EXOC2: variants seen among roughly 807,000 people sequenced by gnomAD.
EXOC2 encodes the protein exocyst complex component 2, also known as SEC5-like 1.
A neutral mutation model predicts 131.8 loss-of-function variants in EXOC2; 70 were observed. That is an observed-to-expected ratio of 0.53 (90% CI 0.44 to 0.65). The LOEUF is 0.65. Ranked by LOEUF, EXOC2 falls within the 30% of genes least tolerant of loss-of-function variation. The probability of loss-of-function intolerance (pLI) is 0.00; values close to 1 mark genes in which losing one functional copy is unlikely to be tolerated. For synonymous variants in EXOC2, 411 were observed against 398.4 expected (o/e 1.03, Z -0.38); for missense variants, 923 against 1,108.6 (o/e 0.83, Z 2.38).
Position 598,012 on chromosome 6 carries a change from A to G in EXOC2, c.1073+9T>C. The G allele has an allele frequency of 6.2e-7, 1 of 1,601,048 alleles. No individual in the cohort carries two copies. Among genetic ancestry groups the G allele is most frequent in the Non-Finnish European group, 8.6e-7 (1 of 1,169,038 alleles). On this transcript the variant is annotated intron_variant, in intron 10 of 27. Transcript: ENST00000230449. Reference sequence around the variant, plus strand: ...ATGTGATTCAACAAAATGTTTGCAGAAGATTTACCTTATGTAACGTTTTTG... The same window carrying G: ...ATGTGATTCAACAAAATGTTTGCAGGAGATTTACCTTATGTAACGTTTTTG...
rs117855832 is a variant in EXOC2, at chr6:567,577, T to G, written c.1444-2648A>C. The stretch of plus-strand genomic sequence containing the variant: ...AGATATGTATATGTGTAAATTTATG[T>G]GTATGTCTACATACTGAGTACATGC... On this transcript the variant is annotated intron_variant, in intron 13 of 27. Coordinates refer to ENST00000230449, the MANE Select transcript of EXOC2 (RefSeq NM_018303.6). Among the ~76,000 whole-genome samples, 97 of 152,374 alleles carry G rather than the reference T, an allele frequency of 6.4e-4. No homozygotes were observed. The East Asian group carries it at 0.016, about 25-fold the overall frequency.
rs139486820 is a variant in EXOC2, at chr6:626,026, T to C, written c.422+3809A>G. 4.8e-3 allele frequency among the ~76,000 whole-genome samples: 728 copies of C among 152,192 alleles called. 9 individuals carry two copies. Among genetic ancestry groups the C allele is most frequent in the African/African-American group, 0.016 (647 of 41,568 alleles). ...CAAAGGTTCTTACTTAACATGAACC[T>C]GTTTTTACCTTCCTTTTTGGTTTAA... On this transcript the variant is annotated intron_variant, in intron 4 of 27. Coordinates refer to ENST00000230449, the MANE Select transcript of EXOC2 (RefSeq NM_018303.6).
intron 23 of EXOC2, among the ~76,000 whole-genome samples, chr6:520,766 A>G (rs1055048876): frequency 1.9e-5 from 2 of 105,570 alleles, no homozygotes; most frequent in African/African-American, 8.1e-5. Context: ...TCGGACATGA[A>G]AACCACCACC....
Position 677,376 on chromosome 6 carries a change from T to C in EXOC2, c.-44+15643A>G, listed in dbSNP as rs947755351. ...CAGTTAGCATTTGAGGTGGTATATGTAGGAATAAACATGGCTCTTGCCTTT... is the reference window on the plus strand; with the variant it reads ...CAGTTAGCATTTGAGGTGGTATATGCAGGAATAAACATGGCTCTTGCCTTT... On this transcript the variant is annotated intron_variant, in intron 1 of 27. Transcript: ENST00000230449. 5.3e-5 allele frequency among the ~76,000 whole-genome samples: 8 copies of C among 152,258 alleles called. 1 individual carries two copies. The highest frequency in any genetic ancestry group is 5.2e-4 in the Admixed American group (8 of 15,290).
At chr6:544,486 C>G (rs1216609826) in intron 22 of EXOC2, among the ~76,000 whole-genome samples, 1 of 152,164 alleles carries the variant, frequency 6.6e-6, no homozygotes, top group African/African-American at 2.4e-5. Flanking sequence ...ATCTTAAACT[C>G]TGAAACAGAT....
intron 2 of EXOC2, among the ~76,000 whole-genome samples, chr6:636,063 A>T (rs754028357): frequency 6.6e-6 from 1 of 152,282 alleles, no homozygotes; most frequent in African/African-American, 2.4e-5. Context: ...CTCCGTCTCA[A>T]AACAAAAAAC....
At chr6:597,911 A>G (rs948495396) in intron 10 of EXOC2, 110 bp downstream of exon 10, 1 of 711,946 alleles carries the variant, frequency 1.4e-6, no homozygotes, top group Non-Finnish European at 2.3e-6. Flanking sequence ...CTTCCCCTTC[A>G]CCATTTCATC....
chr6:598,747 G>A (rs1398556477), intron 9 of EXOC2, 113 bp downstream of exon 9: 1 of 757,540 alleles, frequency 1.3e-6, no homozygotes, highest in Non-Finnish European at 2.2e-6. Context: ...ATTGTAAAGA[G>A]AGCCTCATAT....
At chr6:547,586 G>A (rs1167171059) in intron 22 of EXOC2, among the ~76,000 whole-genome samples, 4 of 152,198 alleles carry the variant, frequency 2.6e-5, no homozygotes, top group South Asian at 2.1e-4. Flanking sequence ...CTTTCCCTTT[G>A]ATGCCAGAAA....
chr6:633,104 A>T lies in EXOC2; in HGVS notation c.132T>A (p.Cys44Ter). 6.2e-7 allele frequency: 1 copy of T among 1,613,268 alleles called. No homozygotes were observed. The highest frequency in any genetic ancestry group is 8.5e-7 in the Non-Finnish European group (1 of 1,180,000). The change falls in exon 3 of 28, where the codon TGT (cysteine) becomes TGA (stop). Residue 44 changes from cysteine (C) to a stop codon, truncating the protein, a stop_gained. Transcript: ENST00000230449. LOFTEE classifies it high-confidence loss of function. ...CTGCCGTCAGGAGGCAATTATGTCC[A>T]CAAATGGTCAAGCCTGAAAATAAAC... The part of the protein sequence containing the change: ...GPTDLIGLTI[C>*]GHNCLLTAEW...
chr6:555,899 T>A (rs1279896409), intron 19 of EXOC2, 55 bp downstream of exon 19: 9 of 1,536,368 alleles, frequency 5.9e-6, no homozygotes, highest in Middle Eastern at 3.4e-4. Flanking sequence ...GGAGAGGGGT[T>A]GACTGACACT....
At chr6:617,680 T>C (rs1486608503) in intron 6 of EXOC2, 31 bp downstream of exon 6, 4 of 1,600,688 alleles carry the variant, frequency 2.5e-6, no homozygotes, top group African/African-American at 1.3e-5. Flanking sequence ...TGGCGGAAGC[T>C]GCCAGCAGAT....
chr6:539,802 T>C (rs1027303066), intron 22 of EXOC2, among the ~76,000 whole-genome samples: 2 of 152,222 alleles, frequency 1.3e-5, no homozygotes, highest in Non-Finnish European at 2.9e-5. Flanking sequence ...CATTAGAACA[T>C]CTATCCAAGT....
rs1234953573 is a variant in EXOC2, at chr6:485,451, A to G, written c.*1220T>C. 1 of 152,212 alleles carries G rather than the reference A, an allele frequency of 6.6e-6. No individual in the cohort carries two copies. Among genetic ancestry groups the G allele is most frequent in the Non-Finnish European group, 1.5e-5 (1 of 68,050 alleles). The allele number at this position is 152,212 out of a possible 1,614,324, so 9.4% of individuals were successfully genotyped here. On this transcript the variant is annotated 3_prime_UTR_variant, in exon 28 of 28. Transcript: ENST00000230449. Reference sequence around the variant, plus strand: ...TCTAAAATTACTTGCATTAATGAGGACATTAATTTTAGCATTTAAAAAAAG... The same window carrying G: ...TCTAAAATTACTTGCATTAATGAGGGCATTAATTTTAGCATTTAAAAAAAG...
intron 12 of EXOC2, among the ~76,000 whole-genome samples, chr6:573,565 G>T (rs1758408044): frequency 6.6e-6 from 1 of 152,252 alleles, no homozygotes; most frequent in African/African-American, 2.4e-5. Context: ...CCCTGGGCCA[G>T]GCTAATTGCT....
chr6:513,528 T>C (rs1317256801), intron 23 of EXOC2, among the ~76,000 whole-genome samples: 1 of 152,234 alleles, frequency 6.6e-6, no homozygotes, highest in Non-Finnish European at 1.5e-5. Context: ...AAGGTAGCTT[T>C]TGTGATTCCA....
In EXOC2 at chr6:644,100, G is replaced by A. The variant is rs1461529205; in HGVS notation, c.-43-6239C>T. Among the ~76,000 whole-genome samples the A allele has an allele frequency of 4.6e-5, 7 of 152,196 alleles. No homozygotes were observed. The East Asian group carries it at 1.3e-3, about 29-fold the overall frequency. On this transcript the variant is annotated intron_variant, in intron 1 of 27. Transcript: ENST00000230449. ...TGGATTCCATAAAACATTTAAGGAA[G>A]AAGAAATATCAAGCCTATATGAATT...
intron 1 of EXOC2, among the ~76,000 whole-genome samples, chr6:651,227 G>T (rs1036458803): frequency 6.6e-6 from 1 of 151,938 alleles, no homozygotes; most frequent in African/African-American, 2.4e-5. Flanking sequence ...TAGAGACGGG[G>T]TTTCACTATG....
intron 12 of EXOC2, 88 bp from the exon 13 acceptor site, chr6:572,732 C>G (rs1448690892): frequency 6.8e-7 from 1 of 1,479,998 alleles, no homozygotes; most frequent in Non-Finnish European, 9.1e-7. Context: ...CCTCCACTCC[C>G]GCAAAACTCC....
Sources: gnomAD v4.1 joint callset for allele counts (sites outside exome capture counted in the v4.1 genomes callset) on GRCh38, gnomAD v4.1.1 for gene constraint, MANE v1.5 for transcripts, NCBI Gene and HGNC (gene_info 2026-07-23, HGNC 2026-07-21) for gene names.